The following NEDD4L variants were observed in gnomAD, a reference collection of about 807,000 sequenced individuals.
The protein encoded by NEDD4L is NEDD4 like E3 ubiquitin protein ligase, also known as E3 ubiquitin-protein ligase NEDD4-like.
Under a neutral mutation model 148.9 loss-of-function variants are expected in NEDD4L, and 54 were observed. The ratio of observed to expected loss-of-function variants is 0.36; its 90% CI spans 0.29 to 0.45. NEDD4L has a LOEUF of 0.45. Among genes scored for constraint, NEDD4L ranks in the 20% least tolerant of loss-of-function variants. The probability of loss-of-function intolerance (pLI) is 1.00; values close to 1 mark genes in which losing one functional copy is unlikely to be tolerated. For missense variants in NEDD4L, 856 were observed against 1,233.8 expected, an observed-to-expected ratio of 0.69 and a Z score of 4.59; for synonymous variants, 433 against 440.7, an observed-to-expected ratio of 0.98 and a Z score of 0.22.
At chr18:58,137,328 C>T (rs923007563) in intron 1 of NEDD4L, among the ~76,000 whole-genome samples, 1 of 152,224 alleles carries the variant, frequency 6.6e-6, no homozygotes, top group African/African-American at 2.4e-5. Flanking sequence ...TGTTTTTCAG[C>T]AGGGCCTCAT....
chr18:58,126,834 T>G (rs1054091060), intron 1 of NEDD4L, among the ~76,000 whole-genome samples: 1 of 152,164 alleles, frequency 6.6e-6, no homozygotes, highest in African/African-American at 2.4e-5. Context: ...TCTTTGCAGG[T>G]GTCTATTGCA....
At chr18:58,302,665 A>G (rs1011548064) in intron 5 of NEDD4L, among the ~76,000 whole-genome samples, 2 of 152,246 alleles carry the variant, frequency 1.3e-5, no homozygotes, top group Non-Finnish European at 1.5e-5. Flanking sequence ...GCAGCCTTTC[A>G]TATACCCTGA....
Position 58,387,443 on chromosome 18 carries a change from TCA to T in NEDD4L, c.2495_2496del (p.Thr832ArgfsTer6). On this transcript the variant is annotated frameshift_variant, in exon 27 of 31. Coordinates refer to ENST00000400345, the MANE Select transcript of NEDD4L (RefSeq NM_001144967.3). LOFTEE classifies it high-confidence loss of function. The stretch of plus-strand genomic sequence containing the variant: ...TGTTTTTTTTTTTTCTTTCAGGGAT[TCA>T]CAGAACTACTTCCTATTGATTTGAT... 1 of 1,550,606 alleles carries T rather than the reference TCA, an allele frequency of 6.4e-7. No homozygotes were observed. Among genetic ancestry groups the T allele is most frequent in the Non-Finnish European group, 8.7e-7 (1 of 1,153,094 alleles).
intron 9 of NEDD4L, 54 bp from the exon 10 acceptor site, chr18:58,328,941 G>A: frequency 6.2e-7 from 1 of 1,609,602 alleles, no homozygotes; most frequent in Non-Finnish European, 8.5e-7. Flanking sequence ...TGTCATGAAG[G>A]GCCCGATCTC....
chr18:58,363,410 T>C (rs1187915897), intron 19 of NEDD4L, among the ~76,000 whole-genome samples: 1 of 152,198 alleles, frequency 6.6e-6, no homozygotes, highest in Non-Finnish European at 1.5e-5. Flanking sequence ...GAGGCTGTCA[T>C]AGTTAATGTC....
At chr18:58,307,905 T>G (rs796388835) in intron 5 of NEDD4L, among the ~76,000 whole-genome samples, 34 of 152,326 alleles carry the variant, frequency 2.2e-4, no homozygotes, top group African/African-American at 7.9e-4. Flanking sequence ...GAAAAAAATA[T>G]AGGATCTAGA....
At chr18:58,391,950 C>T (rs1416044561) in intron 30 of NEDD4L, among the ~76,000 whole-genome samples, 2 of 152,216 alleles carry the variant, frequency 1.3e-5, no homozygotes, top group Non-Finnish European at 2.9e-5. Flanking sequence ...CCTGTAGAAA[C>T]ATCCTTTTTC....
At chr18:58,242,912 G>C (rs2046816005) in intron 2 of NEDD4L, among the ~76,000 whole-genome samples, 1 of 152,108 alleles carries the variant, frequency 6.6e-6, no homozygotes, top group Non-Finnish European at 1.5e-5. Context: ...TTTCCTAATC[G>C]ATCTTCCATA....
intron 1 of NEDD4L, among the ~76,000 whole-genome samples, chr18:58,139,668 G>A (rs762514535): frequency 6.6e-6 from 1 of 152,208 alleles, no homozygotes; most frequent in African/African-American, 2.4e-5. Flanking sequence ...TACAGCAAAA[G>A]TCACTCTTCA....
At chr18:58,394,334 G>C (rs1237135069) in intron 30 of NEDD4L, among the ~76,000 whole-genome samples, 1 of 152,220 alleles carries the variant, frequency 6.6e-6, no homozygotes, top group Non-Finnish European at 1.5e-5. Flanking sequence ...CAGAACCTCA[G>C]ATCTTGACAT....
intron 5 of NEDD4L, among the ~76,000 whole-genome samples, chr18:58,279,067 G>A (rs2052597485): frequency 6.6e-6 from 1 of 151,966 alleles, no homozygotes; most frequent in Non-Finnish European, 1.5e-5. Context: ...AGTAGAGATG[G>A]GGTTTTGCTG....
At position 58,323,349 on chromosome 18, in the gene NEDD4L, T is replaced by A; in HGVS notation, c.513+15T>A. ...ATGACATGGAGGTACGTGGAGGGCG[T>A]CAGGCCTCTCTCCTTGCCTTGAGAT... On this transcript the variant is annotated intron_variant, in intron 8 of 30. Coordinates refer to ENST00000400345, the MANE Select transcript of NEDD4L (RefSeq NM_001144967.3). 7.8e-7 allele frequency: 1 copy of A among 1,288,824 alleles called. No homozygotes were observed. The highest frequency in any genetic ancestry group is 1.1e-6 in the Non-Finnish European group (1 of 896,378). The allele number at this position is 1,288,824 out of a possible 1,614,324, so 79.8% of individuals were successfully genotyped here. A position where few individuals can be genotyped will look rare whatever the true frequency, so the allele number is the denominator to read the frequency against.
intron 5 of NEDD4L, 133 bp downstream of exon 5, chr18:58,252,187 C>T: frequency 4.4e-6 from 3 of 683,534 alleles, no homozygotes; most frequent in South Asian, 3.4e-5. Flanking sequence ...CTGTTTTTGT[C>T]CCACTACGAG....
intron 5 of NEDD4L, chr18:58,255,832 TGC>T (rs2048453593): frequency 8.1e-7 from 1 of 1,232,420 alleles, no homozygotes; most frequent in African/African-American, 1.6e-5. Context: ...GAGGCGTGGG[TGC>T]GCTTAAGCGG....
At chr18:58,199,272 G>A (rs764497633) in intron 2 of NEDD4L, among the ~76,000 whole-genome samples, 2 of 152,110 alleles carry the variant, frequency 1.3e-5, no homozygotes, top group Admixed American at 6.5e-5. Context: ...GCTTAAAGCC[G>A]GTGGTTCTCA....
intron 1 of NEDD4L, among the ~76,000 whole-genome samples, chr18:58,137,086 G>C (rs761864280): frequency 2.6e-5 from 4 of 152,186 alleles, no homozygotes; most frequent in Non-Finnish European, 5.9e-5. Flanking sequence ...TTAAATGATT[G>C]AGCAATATTT....
intron 1 of NEDD4L, among the ~76,000 whole-genome samples, chr18:58,096,847 A>G (rs1385610350): frequency 1.3e-5 from 2 of 152,240 alleles, no homozygotes; most frequent in Non-Finnish European, 2.9e-5. Flanking sequence ...CCCATAAGTC[A>G]CAGAATGCGG....
intron 2 of NEDD4L, among the ~76,000 whole-genome samples, chr18:58,199,403 C>T (rs1745051616): frequency 6.6e-6 from 1 of 152,002 alleles, no homozygotes; most frequent in South Asian, 2.1e-4. Flanking sequence ...GTGTAGAGGC[C>T]TGGGTGCTGC....
intron 2 of NEDD4L, among the ~76,000 whole-genome samples, chr18:58,243,321 C>T (rs1213604471): frequency 6.6e-6 from 1 of 152,224 alleles, no homozygotes. Flanking sequence ...ACATGATCAT[C>T]AGGCCTTGAG....
Sources: allele counts gnomAD v4.1 joint callset (sites outside exome capture counted in the v4.1 genomes callset), GRCh38; gene constraint gnomAD v4.1.1; transcripts MANE v1.5; gene names NCBI Gene and HGNC (gene_info 2026-07-23, HGNC 2026-07-21).